Variants in HESX1 observed in about 807,000 individuals in gnomAD.
HESX1 encodes HESX homeobox 1.
A neutral mutation model predicts 22.5 loss-of-function variants in HESX1; 11 were observed. That is an observed-to-expected ratio of 0.49 (90% CI 0.31 to 0.81). The LOEUF (loss-of-function observed/expected upper bound fraction) is 0.81, where lower values mean the gene tolerates loss of function less well. Ranked by LOEUF, HESX1 falls within the 30% of genes least tolerant of loss-of-function variation. HESX1 has a pLI of 0.05. For missense variants in HESX1, 201 were observed against 212.6 expected, an observed-to-expected ratio of 0.95 and a Z score of 0.34; for synonymous variants, 74 against 76.5, an observed-to-expected ratio of 0.97 and a Z score of 0.17.
At chr3:57,224,119 A>G (rs1306097295) in intron 1 of HESX1, among the ~76,000 whole-genome samples, 1 of 151,974 alleles carries the variant, frequency 6.6e-6, no homozygotes, top group Non-Finnish European at 1.5e-5. Flanking sequence ...CAGCCTCCCG[A>G]GTAGCTGGGA....
chr3:57,219,555 G>C (rs2060603001), intron 1 of HESX1, among the ~76,000 whole-genome samples: 1 of 152,092 alleles, frequency 6.6e-6, no homozygotes, highest in African/African-American at 2.4e-5. Context: ...TTTTAGTAGA[G>C]ACGGGGTTTC....
At chr3:57,211,424 G>A (rs1180252758) in intron 1 of HESX1, among the ~76,000 whole-genome samples, 2 of 150,356 alleles carry the variant, frequency 1.3e-5, no homozygotes, top group Non-Finnish European at 3.0e-5. Flanking sequence ...CAGCTACTCA[G>A]GAGGCTCAGG....
intron 1 of HESX1, among the ~76,000 whole-genome samples, chr3:57,209,355 G>C (rs2060538899): frequency 6.6e-6 from 1 of 152,044 alleles, no homozygotes; most frequent in Non-Finnish European, 1.5e-5. Context: ...ACTGAAAATA[G>C]TGATGATAGG....
At chr3:57,217,689 T>C (rs181696275) in intron 1 of HESX1, among the ~76,000 whole-genome samples, 375 of 152,228 alleles carry the variant, frequency 2.5e-3, no homozygotes, top group African/African-American at 8.7e-3. Flanking sequence ...TTCCCTCCTT[T>C]ATGGGTACTT....
At chr3:57,227,494 C>A (rs1376416355), upstream of HESX1, among the ~76,000 whole-genome samples, 1 of 152,270 alleles carries the variant, frequency 6.6e-6, no homozygotes, top group African/African-American at 2.4e-5. Context: ...CTCCTCGCGC[C>A]GGCAAGCTGA....
At position 57,217,585 on chromosome 3, in the gene HESX1, C is replaced by G. The variant is rs147128582; in HGVS notation, c.-111+8711G>C. Among the ~76,000 whole-genome samples the G allele has an allele frequency of 2.2e-3, 334 of 152,282 alleles. 1 individual carries two copies. The highest frequency in any genetic ancestry group is 7.6e-3 in the African/African-American group (317 of 41,546). ...AGCCCAAAAAGCCCTTCTCTTCCTA[C>G]TTGGGCTCTGACACCCCAGACCTAG... is the stretch of plus-strand genomic sequence containing the variant. On this transcript the variant is annotated intron_variant, in intron 1 of 2. Transcript: ENST00000495160.
rs773436820 is a variant in HESX1 at position 57,199,753 on chromosome 3, G to T, written c.157+9C>A. 6.2e-7 allele frequency: 1 copy of T among 1,613,582 alleles called. No homozygotes were observed. Among genetic ancestry groups the T allele is most frequent in the Non-Finnish European group, 8.5e-7 (1 of 1,179,498 alleles). The stretch of plus-strand genomic sequence containing the variant: ...AACAAAGAATTGAAACAATTAAGCT[G>T]TGGCATACCTGATGAGCTGCAGGTG... On this transcript the variant is annotated intron_variant, in intron 1 of 3. Transcript: ENST00000295934.
chr3:57,198,980 T>TA (rs1248344308), intron 1 of HESX1, 28 bp from the exon 2 acceptor site: 1 of 1,585,442 alleles, frequency 6.3e-7, no homozygotes, highest in South Asian at 1.1e-5. Context: ...AGCCCTGTCT[T>TA]AGATGGTCAA....
intron 1 of HESX1, among the ~76,000 whole-genome samples, chr3:57,208,186 G>T (rs990752701): frequency 6.6e-6 from 1 of 152,050 alleles, no homozygotes; most frequent in African/African-American, 2.4e-5. Context: ...TGATAGATTT[G>T]GATTACACAG....
chr3:57,209,992 T>C (rs561515565), intron 1 of HESX1, among the ~76,000 whole-genome samples: 3 of 152,342 alleles, frequency 2.0e-5, no homozygotes, highest in African/African-American at 7.2e-5. Flanking sequence ...TGGCAGAGCC[T>C]TGACTTGTAT....
In HESX1 at chr3:57,199,782, G is replaced by A. The variant is rs765587086; in HGVS notation, c.137C>T (p.Ala46Val). The A allele has an allele frequency of 4.3e-6, 7 of 1,614,022 alleles. No homozygotes were observed. The Admixed American group carries it at 5.0e-5, about 12-fold the overall frequency. ...CATACCTGATGAGCTGCAGGTGTCT[G>A]CCCAGGGCCTGTGGGGTTTCATTAA... ...VPLMKPHRPW[A>V]DTCSSSGKDG... Residue 46 changes from alanine (A) to valine (V), a missense_variant, in exon 1 of 4, where the codon GCA (alanine) becomes GTA (valine). By Grantham distance (64) the Ala-to-Val change is moderately conservative. Coordinates refer to ENST00000295934, the MANE Select transcript of HESX1 (RefSeq NM_003865.3).
upstream of HESX1, among the ~76,000 whole-genome samples, chr3:57,204,576 G>T (rs975418): frequency 0.37 from 55,530 of 152,062 alleles, 12,275 homozygotes; most frequent in East Asian, 0.92. Context: ...TAAGCTCAGT[G>T]CTAGAGTGCT....
At chr3:57,199,047 T>C (rs931766343) in intron 1 of HESX1, 95 bp from the exon 2 acceptor site, 3 of 1,175,200 alleles carry the variant, frequency 2.6e-6, no homozygotes, top group Non-Finnish European at 3.8e-6. Context: ...TTTCATTTCC[T>C]AGTGGAATTC....
chr3:57,199,573 T>G (rs897641928), intron 1 of HESX1, among the ~76,000 whole-genome samples, 189 bp downstream of exon 1: 8 of 151,292 alleles, frequency 5.3e-5, no homozygotes, highest in Non-Finnish European at 2.9e-5. Context: ...GAGCCAAGAT[T>G]ATGCCATTGC....
At chr3:57,207,129 A>G (rs2060524249) in intron 1 of HESX1, among the ~76,000 whole-genome samples, 1 of 152,062 alleles carries the variant, frequency 6.6e-6, no homozygotes, top group East Asian at 1.9e-4. Flanking sequence ...TTGTATTTTT[A>G]GTAGAGATGT....
chr3:57,214,762 A>G (rs2060574541), intron 1 of HESX1, among the ~76,000 whole-genome samples: 1 of 152,204 alleles, frequency 6.6e-6, no homozygotes, highest in African/African-American at 2.4e-5. Context: ...GAAAAGCAAC[A>G]TAACATAAGG....
intron 1 of HESX1, among the ~76,000 whole-genome samples, chr3:57,218,439 CTTTTTTT>C (rs60734023): frequency 9.8e-6 from 1 of 102,266 alleles, no homozygotes; most frequent in African/African-American, 3.5e-5. Context: ...TGATCTCATT[CTTTTTTT>C]TTTTTTTTTT....
At chr3:57,210,314 T>C (rs1424677029) in intron 1 of HESX1, among the ~76,000 whole-genome samples, 1 of 152,202 alleles carries the variant, frequency 6.6e-6, no homozygotes, top group African/African-American at 2.4e-5. Context: ...AACATGTAAA[T>C]CTATTCATGT....
At chr3:57,214,484 C>A (rs1398444950) in intron 1 of HESX1, among the ~76,000 whole-genome samples, 1 of 152,158 alleles carries the variant, frequency 6.6e-6, no homozygotes. Context: ...TTATCTGGGT[C>A]TAAATTCCAG....
Sources: gnomAD v4.1 joint callset for allele counts (sites outside exome capture counted in the v4.1 genomes callset) on GRCh38, gnomAD v4.1.1 for gene constraint, MANE v1.5 for transcripts, NCBI Gene and HGNC (gene_info 2026-07-23, HGNC 2026-07-21) for gene names.